The following FARP1 variants were observed in gnomAD, a reference collection of about 807,000 sequenced individuals.
The protein encoded by FARP1 is FERM, ARH/RhoGEF and pleckstrin domain protein 1, also known as FERM, ARHGEF and pleckstrin domain-containing protein 1.
A neutral mutation model predicts 128.8 loss-of-function variants in FARP1; 52 were observed. The observed-to-expected ratio is 0.40, with a 90% CI of 0.32 to 0.51. FARP1 has a LOEUF of 0.51. Ranked by LOEUF, FARP1 falls within the 20% of genes least tolerant of loss-of-function variation. The pLI is 0.45. For synonymous variants in FARP1, 580 were observed against 551.8 expected (o/e 1.05, Z -0.72); for missense variants, 1,333 against 1,367.9 (o/e 0.97, Z 0.40).
intron 2 of FARP1, among the ~76,000 whole-genome samples, chr13:98,225,218 G>A (rs1594292042): frequency 6.6e-6 from 1 of 152,070 alleles, no homozygotes; most frequent in African/African-American, 2.4e-5. Context: ...GCTGTTAAAC[G>A]GGACGTCTGG....
chr13:98,282,030 C>A (rs191638334), intron 2 of FARP1, among the ~76,000 whole-genome samples: 1 of 152,288 alleles, frequency 6.6e-6, no homozygotes, highest in East Asian at 1.9e-4. Context: ...TGAGGCCGGG[C>A]GCAGTGGCTC....
chr13:98,453,137 A>G lies in FARP1; in HGVS notation c.*4820A>G, dbSNP rs748100065. On this transcript the variant is annotated 3_prime_UTR_variant, in exon 27 of 27. Coordinates refer to ENST00000319562, the MANE Select transcript of FARP1 (RefSeq NM_005766.4). ...AAAAAGGAGGAGGATGAAGAAGGAA[A>G]AAAGGAAAAACAAAACCCCAAATGC... 2.4e-5 allele frequency: 39 copies of G among 1,612,488 alleles called. No individual in the cohort carries two copies. Among genetic ancestry groups the G allele is most frequent in the South Asian group, 6.6e-5 (6 of 90,950 alleles).
In FARP1 at chr13:98,409,925, T is replaced by G. The variant is rs1224417480; in HGVS notation, c.1602+400T>G. Among the ~76,000 whole-genome samples, 11 of 152,340 alleles carry G rather than the reference T, an allele frequency of 7.2e-5. No homozygotes were observed. In the East Asian group the frequency reaches 1.5e-3, roughly 21 times the overall value. On this transcript the variant is annotated intron_variant, in intron 14 of 26. Transcript: ENST00000319562. ...ATGGATCATCCATATGTAGCATGGG[T>G]GAGAATTGCCTGCCATTTGAGGGCT...
At chr13:98,432,040 C>T (rs569605444) in intron 18 of FARP1, 2 of 152,236 alleles carry the variant, frequency 1.3e-5, no homozygotes, top group East Asian at 1.9e-4. Flanking sequence ...GAGCATCTCT[C>T]CTGTATTAAC....
intron 13 of FARP1, chr13:98,404,970 C>T (rs1278067774): frequency 6.6e-6 from 1 of 151,958 alleles, no homozygotes; most frequent in Non-Finnish European, 1.5e-5. Context: ...AAACTGAGAC[C>T]CATTTAAAAA....
chr13:98,327,546 T>C (rs557462233), intron 2 of FARP1, among the ~76,000 whole-genome samples: 45 of 152,324 alleles, frequency 3.0e-4, no homozygotes, highest in African/African-American at 1.1e-3. Context: ...TTCCTTCTCT[T>C]GGCCAGATTT....
chr13:98,307,580 C>T (rs1216698330), intron 2 of FARP1, among the ~76,000 whole-genome samples: 1 of 152,152 alleles, frequency 6.6e-6, no homozygotes, highest in African/African-American at 2.4e-5. Flanking sequence ...GCTCACAGCG[C>T]GTTCATGTCG....
At chr13:98,284,132 C>T (rs1284752896) in intron 2 of FARP1, among the ~76,000 whole-genome samples, 1 of 152,080 alleles carries the variant, frequency 6.6e-6, no homozygotes, top group African/African-American at 2.4e-5. Flanking sequence ...TTGAATGAGG[C>T]CCAACACAAG....
chr13:98,362,100 C>T (rs1888897409), intron 3 of FARP1, among the ~76,000 whole-genome samples: 1 of 152,094 alleles, frequency 6.6e-6, no homozygotes, highest in Non-Finnish European at 1.5e-5. Context: ...ACTGTCTCTA[C>T]AAAAAATATG....
chr13:98,225,904 C>T (rs904149892), intron 2 of FARP1, among the ~76,000 whole-genome samples: 1 of 152,224 alleles, frequency 6.6e-6, no homozygotes, highest in Non-Finnish European at 1.5e-5. Context: ...CGTTTTTGTA[C>T]ATCCCTTTTA....
intron 3 of FARP1, among the ~76,000 whole-genome samples, chr13:98,355,596 T>C (rs572192918): frequency 3.3e-5 from 5 of 152,260 alleles, no homozygotes; most frequent in African/African-American, 1.2e-4. Flanking sequence ...AGCCCTTACT[T>C]AGGGCAATTT....
intron 2 of FARP1, among the ~76,000 whole-genome samples, chr13:98,215,558 G>T (rs1263536477): frequency 6.6e-6 from 1 of 152,176 alleles, no homozygotes; most frequent in Non-Finnish European, 1.5e-5. Context: ...GTGACACAAA[G>T]TGTTTGGAGC....
At chr13:98,248,073 G>A (rs978044576) in intron 2 of FARP1, among the ~76,000 whole-genome samples, 11 of 152,092 alleles carry the variant, frequency 7.2e-5, no homozygotes, top group African/African-American at 2.2e-4. Flanking sequence ...TCAGAGAGGC[G>A]GGTACCTCGG....
intron 1 of FARP1, among the ~76,000 whole-genome samples, chr13:98,197,913 G>A (rs1372107658): frequency 1.3e-5 from 2 of 152,104 alleles, no homozygotes; most frequent in Non-Finnish European, 2.9e-5. Context: ...GAGATTACAG[G>A]CATGAGCCAC....
At chr13:98,172,501 C>T (rs1305259287) in intron 1 of FARP1, among the ~76,000 whole-genome samples, 1 of 152,090 alleles carries the variant, frequency 6.6e-6, no homozygotes. Flanking sequence ...TAGCATAGCA[C>T]CCTTAAAATG....
intron 16 of FARP1, among the ~76,000 whole-genome samples, chr13:98,414,055 C>T (rs1182044571): frequency 1.3e-5 from 2 of 152,174 alleles, no homozygotes; most frequent in East Asian, 1.9e-4. Context: ...GAGAGAAATG[C>T]AGAGAGCTGT....
At position 98,379,180 on chromosome 13, in the gene FARP1, AAT is replaced by A. The variant is rs1491285944; in HGVS notation, c.496+1270_496+1271del. Among the ~76,000 whole-genome samples, 56 of 60,516 alleles carry A rather than the reference AAT, an allele frequency of 9.3e-4. 10 individuals are homozygous for A. Among genetic ancestry groups the A allele is most frequent in the East Asian group, 1.6e-3 (3 of 1,856 alleles). The allele number at this position is 60,516 out of a possible 152,430, so 39.7% of individuals were successfully genotyped here. ...TATATATAATATATAATCTATATAT[AAT>A]ATATATAATATATAATATATATATA... On this transcript the variant is annotated intron_variant, in intron 6 of 26. Coordinates refer to ENST00000319562, the MANE Select transcript of FARP1 (RefSeq NM_005766.4).
intron 2 of FARP1, among the ~76,000 whole-genome samples, chr13:98,266,064 T>C (rs1487206666): frequency 1.3e-5 from 2 of 152,008 alleles, no homozygotes; most frequent in Non-Finnish European, 2.9e-5. Flanking sequence ...CATTTTTTTT[T>C]CCTAGAGTGA....
chr13:98,200,812 G>A (rs1383015068), intron 1 of FARP1, among the ~76,000 whole-genome samples: 1 of 152,188 alleles, frequency 6.6e-6, no homozygotes, highest in Non-Finnish European at 1.5e-5. Flanking sequence ...GATCAGGAAA[G>A]TCTTTCTGGG....
Sources: gnomAD v4.1 joint callset for allele counts (sites outside exome capture counted in the v4.1 genomes callset) on GRCh38, gnomAD v4.1.1 for gene constraint, MANE v1.5 for transcripts, NCBI Gene and HGNC (gene_info 2026-07-23, HGNC 2026-07-21) for gene names.